The following PCDHGA4 variants were observed in gnomAD, a reference collection of about 807,000 sequenced individuals.
PCDHGA4 encodes the protein protocadherin gamma subfamily A, 4.
Under a neutral mutation model 54.6 loss-of-function variants are expected in PCDHGA4, and 38 were observed. The ratio of observed to expected loss-of-function variants is 0.70; its 90% CI spans 0.54 to 0.91. The LOEUF (loss-of-function observed/expected upper bound fraction) is 0.91, where lower values mean the gene tolerates loss of function less well. PCDHGA4 is among the 40% of genes least tolerant of loss of function. The pLI, the probability that PCDHGA4 is intolerant of heterozygous loss-of-function variation, is 0.00. For missense variants in PCDHGA4, 1,298 were observed against 1,220.9 expected (o/e 1.06, Z -0.94); for synonymous variants, 511 against 512.9 (o/e 1.00, Z 0.05).
chr5:141,375,844 G>A (rs1771971426), intron 1 of PCDHGA4: 2 of 1,614,082 alleles, frequency 1.2e-6, no homozygotes, highest in Non-Finnish European at 8.5e-7. Context: ...CCGGCTACCT[G>A]GTGACCAAGG....
intron 1 of PCDHGA4, among the ~76,000 whole-genome samples, chr5:141,468,247 C>T (rs925455907): frequency 6.7e-6 from 1 of 149,930 alleles, no homozygotes; most frequent in Non-Finnish European, 1.5e-5. Flanking sequence ...ATTGCCTGAA[C>T]CTGGGAGGCA....
chr5:141,419,285 G>A, intron 1 of PCDHGA4: 2 of 1,614,028 alleles, frequency 1.2e-6, no homozygotes, highest in East Asian at 4.5e-5. Context: ...GCAAGTCAGT[G>A]CCTCTGACCC....
rs148995268 is a variant in PCDHGA4, at chr5:141,486,253, C to T, written c.2515-8554C>T. On this transcript the variant is annotated intron_variant, in intron 1 of 3. Coordinates refer to ENST00000571252, the MANE Select transcript of PCDHGA4 (RefSeq NM_018917.4). The surrounding 1 kb of genome is among the most constrained non-coding windows in gnomAD (Gnocchi z 5.0). The stretch of plus-strand genomic sequence containing the variant: ...TGACCTCAGAGCTTGGAACCCTCCC[C>T]GAGAGTGCAGAACCTGGCACTGTGG... 8 of 1,614,020 alleles carry T rather than the reference C, an allele frequency of 5.0e-6. No individual in the cohort carries two copies. The African/African-American group carries it at 8.0e-5, about 16-fold the overall frequency.
At chr5:141,364,173 G>T (rs2149854430) in intron 1 of PCDHGA4, 2 of 806,624 alleles carry the variant, frequency 2.5e-6, no homozygotes, top group Non-Finnish European at 3.6e-6. Context: ...ACCCGACTCT[G>T]CTCCCTCCAT....
chr5:141,364,603 C>T (rs1763435193), intron 1 of PCDHGA4: 2 of 1,614,062 alleles, frequency 1.2e-6, no homozygotes, highest in African/African-American at 1.3e-5. Flanking sequence ...GCAGGATAGA[C>T]CGGGAGGAGC....
At chr5:141,415,562 CT>C in intron 1 of PCDHGA4, 3 of 1,613,960 alleles carry the variant, frequency 1.9e-6, no homozygotes, top group Non-Finnish European at 1.7e-6. Context: ...GATCCTTTGT[CT>C]TTGTTAGATG....
chr5:141,428,037 C>T, intron 1 of PCDHGA4: 1 of 1,608,458 alleles, frequency 6.2e-7, no homozygotes, highest in South Asian at 1.1e-5. Context: ...GTCCGGCTAC[C>T]TGGTGACCAA....
At chr5:141,391,707 C>T (rs1004180070) in intron 1 of PCDHGA4, 1 of 152,154 alleles carries the variant, frequency 6.6e-6, no homozygotes, top group African/African-American at 2.4e-5. Context: ...CCAGGCTGGT[C>T]TTGAAGGGAA....
At position 141,450,754 on chromosome 5, in the gene PCDHGA4, C is replaced by T. The variant is rs192088793; in HGVS notation, c.2515-44053C>T. Among the ~76,000 whole-genome samples, 54 of 151,098 alleles carry T rather than the reference C, an allele frequency of 3.6e-4. 1 individual carries two copies. Among genetic ancestry groups the T allele is most frequent in the African/African-American group, 1.1e-3 (47 of 41,192 alleles). ...CGCCCGCCTTGGCCTCCCAAAGTGC[C>T]GGGATTACAGGCATGAGCCACCGTG... On this transcript the variant is annotated intron_variant, in intron 1 of 3. Transcript: ENST00000571252.
intron 1 of PCDHGA4, chr5:141,361,641 A>G (rs1377463316): frequency 5.6e-6 from 9 of 1,613,720 alleles, no homozygotes; most frequent in Admixed American, 5.0e-5. Context: ...GGGAGATTTT[A>G]TCCTACGTGT....
intron 1 of PCDHGA4, among the ~76,000 whole-genome samples, chr5:141,454,170 G>A (rs2098782662): frequency 6.6e-6 from 1 of 152,162 alleles, no homozygotes; most frequent in Admixed American, 6.5e-5. Context: ...TCTCTAGAAG[G>A]GCAGCTAAAG....
rs766746841 is a variant in PCDHGA4 at position 141,374,327 on chromosome 5, G to A, written c.2514+16706G>A. 1.2e-5 allele frequency: 20 copies of A among 1,613,866 alleles called. No individual in the cohort carries two copies. In the East Asian group the frequency reaches 4.0e-4, roughly 32 times the overall value. ...GCTTTTCTCTCTGAATCCGCGAAAC[G>A]GCAGCTTGGTCACCGCGGGTAGGAT... is the stretch of plus-strand genomic sequence containing the variant. On this transcript the variant is annotated intron_variant, in intron 1 of 3. Coordinates refer to ENST00000571252, the MANE Select transcript of PCDHGA4 (RefSeq NM_018917.4).
At chr5:141,433,261 A>G (rs761584659) in intron 1 of PCDHGA4, 4 of 1,344,710 alleles carry the variant, frequency 3.0e-6, no homozygotes, top group Non-Finnish European at 4.1e-6. Context: ...CGGTACGATC[A>G]TAGCTCACTG....
At chr5:141,423,294 C>T (rs1222440954) in intron 1 of PCDHGA4, 22 of 1,614,036 alleles carry the variant, frequency 1.4e-5, no homozygotes, top group Admixed American at 1.3e-4. Flanking sequence ...AAACCTCAGA[C>T]CTCTCGCTGT....
intron 1 of PCDHGA4, among the ~76,000 whole-genome samples, chr5:141,456,745 A>T (rs573105679): frequency 6.6e-6 from 1 of 151,920 alleles, no homozygotes; most frequent in South Asian, 2.1e-4. Context: ...CGGGAGCATC[A>T]TGAGGTCAGG....
intron 1 of PCDHGA4, chr5:141,394,908 G>A (rs763489153): frequency 3.1e-6 from 5 of 1,613,652 alleles, no homozygotes; most frequent in East Asian, 2.2e-5. Flanking sequence ...GGCAGTGGCT[G>A]CCATCTCCTG....
intron 1 of PCDHGA4, chr5:141,366,730 CAAAG>C: frequency 1.9e-6 from 3 of 1,613,020 alleles, no homozygotes; most frequent in Non-Finnish European, 2.5e-6. Flanking sequence ...TAGATGCAAA[CAAAG>C]AAGAACGGCG....
chr5:141,371,859 T>A (rs1314195914), intron 1 of PCDHGA4: 1 of 1,613,576 alleles, frequency 6.2e-7, no homozygotes, highest in Non-Finnish European at 8.5e-7. Context: ...CCTTGTCTCC[T>A]ACTACATCGT....
chr5:141,356,938 C>T lies in PCDHGA4; in HGVS notation c.1831C>T (p.Arg611Cys), dbSNP rs1284977558. The part of the protein sequence containing the change: ...DGSTGVELAP[R>C]SADSGYLVTK... Reference sequence around the variant, plus strand: ...CTCCACTGGTGTGGAGCTGGCACCCCGCTCCGCAGATTCCGGCTACCTGGT... The same window carrying T: ...CTCCACTGGTGTGGAGCTGGCACCCTGCTCCGCAGATTCCGGCTACCTGGT... The change falls in exon 1 of 4, where the codon CGC becomes TGC. Residue 611 changes from arginine (R) to cysteine (C), a missense_variant. Arg to Cys is a radical substitution (Grantham distance 180, BLOSUM62 -3). Transcript: ENST00000571252. The T allele has an allele frequency of 2.5e-6, 4 of 1,614,116 alleles. No individual in the cohort carries two copies. The highest frequency in any genetic ancestry group is 2.2e-5 in the South Asian group (2 of 91,092).
Sources: allele counts gnomAD v4.1 joint callset (sites outside exome capture counted in the v4.1 genomes callset), GRCh38; gene constraint gnomAD v4.1.1; non-coding constraint Gnocchi (gnomAD v3.1); transcripts MANE v1.5; gene names NCBI Gene and HGNC (gene_info 2026-07-23, HGNC 2026-07-21).